CTBS: variants seen among roughly 807,000 people sequenced by gnomAD.
The protein encoded by CTBS is chitobiase.
CTBS carries 35 observed loss-of-function variants against 44.3 expected under a neutral mutation model. That is an observed-to-expected ratio of 0.79 (90% CI 0.60 to 1.05). CTBS has a LOEUF of 1.05. Ranked by LOEUF, CTBS falls within the 50% of genes least tolerant of loss-of-function variation. The probability of loss-of-function intolerance (pLI) is 0.00; values close to 1 mark genes in which losing one functional copy is unlikely to be tolerated. For synonymous variants in CTBS, 143 were observed against 168.0 expected (o/e 0.85, Z 1.15); for missense variants, 458 against 475.3 (o/e 0.96, Z 0.34).
intron 4 of CTBS, among the ~76,000 whole-genome samples, chr1:84,564,634 A>C (rs1459100788): frequency 6.6e-6 from 1 of 152,174 alleles, no homozygotes; most frequent in Non-Finnish European, 1.5e-5. Flanking sequence ...CAGCCTCCCA[A>C]GGCTTGAACC....
chr1:84,559,451 T>A (rs936086397), intron 6 of CTBS, among the ~76,000 whole-genome samples: 1 of 151,988 alleles, frequency 6.6e-6, no homozygotes, highest in Non-Finnish European at 1.5e-5. Flanking sequence ...TGAAACCACA[T>A]CTCTACTAAA....
At chr1:84,562,431 T>G (rs1684613102) in intron 6 of CTBS, among the ~76,000 whole-genome samples, 2 of 152,248 alleles carry the variant, frequency 1.3e-5, no homozygotes, top group South Asian at 2.1e-4. Flanking sequence ...CAATTATAAT[T>G]TATGACATGT....
At chr1:84,573,901 AATGGATT>A in intron 1 of CTBS, 1 of 1,167,152 alleles carries the variant, frequency 8.6e-7, no homozygotes, top group Non-Finnish European at 1.1e-6. Context: ...TGGAAACATA[AATGGATT>A]ATCCTACCTT....
rs1684330054 is a variant in CTBS at position 84,553,187 on chromosome 1, T to C, written c.*1812A>G. The C allele has an allele frequency of 1.1e-6, 1 of 931,038 alleles. No homozygotes were observed. The highest frequency in any genetic ancestry group is 1.6e-6 in the Non-Finnish European group (1 of 633,722). The allele number at this position is 931,038 out of a possible 1,614,324, so 57.7% of individuals were successfully genotyped here. On this transcript the variant is annotated 3_prime_UTR_variant, in exon 7 of 7. Coordinates refer to ENST00000370630, the MANE Select transcript of CTBS (RefSeq NM_004388.3). ...AAATATGTATTTGAACAGATTTGTT[T>C]AACCATTATTCTCCTTGGCAATGTT...
In CTBS at chr1:84,563,378, GC is replaced by G. The variant is rs758636345; in HGVS notation, c.835del (p.Ala279LeufsTer17). 1 of 1,580,108 alleles carries G rather than the reference GC, an allele frequency of 6.3e-7. No homozygotes were observed. Among genetic ancestry groups the G allele is most frequent in the Non-Finnish European group, 8.6e-7 (1 of 1,164,752 alleles). ...ACGTCCTGCAGCGTCACTACAAGGA[GC>G]CCCCCGGAAAGGGACTTTTGCAATG... ...CTIAKVPFRG[A>X]PCSDAAGRQV... On this transcript the variant is annotated frameshift_variant, in exon 6 of 7. Coordinates refer to ENST00000370630, the MANE Select transcript of CTBS (RefSeq NM_004388.3). LOFTEE classifies it high-confidence loss of function.
rs928283673 is a variant in CTBS at position 84,563,318 on chromosome 1, T to C, written c.896A>G (p.Asn299Ser). Reference sequence around the variant, plus strand: ...CCATAGGTTTCCAGAAATAGAACTATTTATTTGCTTCATGATCGTTTTGTA... The same window carrying C: ...CCATAGGTTTCCAGAAATAGAACTACTTATTTGCTTCATGATCGTTTTGTA... ...VPYKTIMKQI[N>S]SSISGNLWDK... The change falls in exon 6 of 7, where the codon AAT (asparagine) becomes AGT (serine). Residue 299 changes from asparagine (N) to serine (S), a missense_variant. Coordinates refer to ENST00000370630, the MANE Select transcript of CTBS (RefSeq NM_004388.3). The C allele has an allele frequency of 6.3e-7, 1 of 1,598,690 alleles. No individual in the cohort carries two copies. Among genetic ancestry groups the C allele is most frequent in the African/African-American group, 1.4e-5 (1 of 74,042 alleles).
Position 84,553,174 on chromosome 1 carries a change from G to T in CTBS, c.*1825C>A, listed in dbSNP as rs1351515903. 4 of 1,055,848 alleles carry T rather than the reference G, an allele frequency of 3.8e-6. No individual in the cohort carries two copies. Among genetic ancestry groups the T allele is most frequent in the South Asian group, 1.6e-5 (1 of 61,608 alleles). The allele number at this position is 1,055,848 out of a possible 1,614,324, so 65.4% of individuals were successfully genotyped here. A position where few individuals can be genotyped will look rare whatever the true frequency, so the allele number is the denominator to read the frequency against. On this transcript the variant is annotated 3_prime_UTR_variant, in exon 7 of 7. Coordinates refer to ENST00000370630, the MANE Select transcript of CTBS (RefSeq NM_004388.3). Reference sequence around the variant, plus strand: ...TGTAAAAAAATTTAAATATGTATTTGAACAGATTTGTTTAACCATTATTCT... The same window carrying T: ...TGTAAAAAAATTTAAATATGTATTTTAACAGATTTGTTTAACCATTATTCT...
chr1:84,551,308 T>A lies in CTBS; in HGVS notation c.*3691A>T, dbSNP rs1426908805. The A allele has an allele frequency of 4.1e-6, 4 of 971,052 alleles. No homozygotes were observed. The highest frequency in any genetic ancestry group is 4.9e-6 in the Non-Finnish European group (4 of 817,066). The allele number at this position is 971,052 out of a possible 1,614,324, so 60.2% of individuals were successfully genotyped here. On this transcript the variant is annotated 3_prime_UTR_variant, in exon 7 of 7. Coordinates refer to ENST00000370630, the MANE Select transcript of CTBS (RefSeq NM_004388.3). ...TGACTGCATTCTAGAATTAGCTCTT[T>A]TTAAAAAAATTTTAAAAAGAAAAAA...
Position 84,571,153 on chromosome 1 carries a change from G to T in CTBS, c.178-433C>A, listed in dbSNP as rs573827730. Among the ~76,000 whole-genome samples the T allele has an allele frequency of 8.5e-5, 13 of 152,232 alleles. 1 individual carries two copies. Among genetic ancestry groups the T allele is most frequent in the African/African-American group, 3.1e-4 (13 of 41,528 alleles). ...AATAAAAGCATTTTTAAAAGGGGAA[G>T]GTATGCATTTTAGAAAAATATTTTC... On this transcript the variant is annotated intron_variant, in intron 1 of 6. Transcript: ENST00000370630.
Position 84,555,160 on chromosome 1 carries a change from G to A in CTBS, c.997C>T (p.Pro333Ser), listed in dbSNP as rs1440724696. 3 of 1,613,730 alleles carry A rather than the reference G, an allele frequency of 1.9e-6. No homozygotes were observed. The highest frequency in any genetic ancestry group is 2.5e-6 in the Non-Finnish European group (3 of 1,179,856). ...GHFHQVWYDNPQSISLKATYI... is the reference protein window; with the variant it reads ...GHFHQVWYDNSQSISLKATYI... ...GTTGCCTTTAAAGAAATACTCTGAG[G>A]GTTATCATACCATACTTGATGAAAG... Residue 333 changes from proline (P) to serine (S), a missense_variant, in exon 7 of 7, where the codon CCT becomes TCT. By Grantham distance (74) the Pro-to-Ser change is moderately conservative. Transcript: ENST00000370630.
chr1:84,566,103 A>G, intron 3 of CTBS, 91 bp from the exon 4 acceptor site: 1 of 704,060 alleles, frequency 1.4e-6, no homozygotes, highest in East Asian at 3.6e-5. Context: ...TTTACCTTAT[A>G]CTACACAAGG....
intron 6 of CTBS, among the ~76,000 whole-genome samples, chr1:84,560,460 T>C (rs1232268219): frequency 2.0e-5 from 3 of 152,212 alleles, no homozygotes; most frequent in African/African-American, 4.8e-5. Context: ...CTGTCCATAC[T>C]TCGTTGAACC....
intron 3 of CTBS, among the ~76,000 whole-genome samples, chr1:84,566,958 C>G (rs1684712343): frequency 6.6e-6 from 1 of 152,142 alleles, no homozygotes; most frequent in Non-Finnish European, 1.5e-5. Context: ...AGTGAGCCAG[C>G]CTTCAACAAG....
intron 6 of CTBS, among the ~76,000 whole-genome samples, chr1:84,559,466 C>T (rs187415951): frequency 1.3e-5 from 2 of 151,898 alleles, no homozygotes; most frequent in East Asian, 3.9e-4. Flanking sequence ...ACTAAAAATA[C>T]AAAAAATTAG....
At chr1:84,556,353 G>A (rs778025569) in intron 6 of CTBS, among the ~76,000 whole-genome samples, 1 of 152,004 alleles carries the variant, frequency 6.6e-6, no homozygotes, top group Non-Finnish European at 1.5e-5. Flanking sequence ...CTCCTTAAAG[G>A]CATTTCTGAA....
At position 84,574,288 on chromosome 1, in the gene CTBS, C is replaced by A. The variant is rs1375789805; in HGVS notation, c.128G>T (p.Cys43Phe). The change falls in exon 1 of 7, where the codon TGC becomes TTC. Residue 43 changes from cysteine (C) to phenylalanine (F), a missense_variant. By Grantham distance (205) the Cys-to-Phe change is radical. Coordinates refer to ENST00000370630, the MANE Select transcript of CTBS (RefSeq NM_004388.3). ...CGGGCGGCAGAGCTCAGGCTCCGGG[C>A]ATGGGCAGTCGGTCCCGGCCGCGAG... Reference protein sequence around the residue: ...LRLAAGTDCPCPEPELCRPIR... With the variant: ...LRLAAGTDCPFPEPELCRPIR... 23 of 1,582,808 alleles carry A rather than the reference C, an allele frequency of 1.5e-5. No homozygotes were observed. Among genetic ancestry groups the A allele is most frequent in the Non-Finnish European group, 1.9e-5 (22 of 1,167,282 alleles).
At chr1:84,573,979 G>A in intron 1 of CTBS, 6 of 1,364,266 alleles carry the variant, frequency 4.4e-6, no homozygotes, top group Non-Finnish European at 5.7e-6. Context: ...AAAGGAGCTT[G>A]CCTTAGGAGG....
chr1:84,574,265 G>A lies in CTBS; in HGVS notation c.151C>T (p.Pro51Ser). 3 of 1,601,750 alleles carry A rather than the reference G, an allele frequency of 1.9e-6. No individual in the cohort carries two copies. The highest frequency in any genetic ancestry group is 2.3e-5 in the East Asian group (1 of 44,152). ...TCGAAATCTGGATGGTGGCGAATCG[G>A]GCGGCAGAGCTCAGGCTCCGGGCAT... ...CPCPEPELCR[P>S]IRHHPDFEVF... The change falls in exon 1 of 7, where the codon CCG becomes TCG. Residue 51 changes from proline (P) to serine (S), a missense_variant. Coordinates refer to ENST00000370630, the MANE Select transcript of CTBS (RefSeq NM_004388.3).
At chr1:84,573,583 G>C (rs1647376967) in intron 1 of CTBS, among the ~76,000 whole-genome samples, 2 of 152,186 alleles carry the variant, frequency 1.3e-5, no homozygotes, top group African/African-American at 4.8e-5. Flanking sequence ...ATCGTTCTTT[G>C]AATTAAGCCT....
Sources: allele counts gnomAD v4.1 joint callset (sites outside exome capture counted in the v4.1 genomes callset), GRCh38; gene constraint gnomAD v4.1.1; transcripts MANE v1.5; gene names NCBI Gene and HGNC (gene_info 2026-07-23, HGNC 2026-07-21).